Variants in PPFIA2 observed in about 807,000 individuals in gnomAD.
The protein encoded by PPFIA2 is PPFI scaffold protein A2, also known as liprin-alpha-2.
Under a neutral mutation model 175.5 loss-of-function variants are expected in PPFIA2, and 46 were observed. The ratio of observed to expected loss-of-function variants is 0.26; its 90% CI spans 0.21 to 0.34. PPFIA2 has a LOEUF of 0.34. Ranked by LOEUF, PPFIA2 falls within the 10% of genes least tolerant of loss-of-function variation. PPFIA2 has a pLI of 1.00. For synonymous variants in PPFIA2, 568 were observed against 511.4 expected, an observed-to-expected ratio of 1.11 and a Z score of -1.49; for missense variants, 1,179 against 1,506.1, an observed-to-expected ratio of 0.78 and a Z score of 3.60.
At chr12:81,668,239 G>T (rs1462006184) in intron 4 of PPFIA2, among the ~76,000 whole-genome samples, 1 of 151,974 alleles carries the variant, frequency 6.6e-6, no homozygotes, top group Non-Finnish European at 1.5e-5. Flanking sequence ...TCATATAAAG[G>T]GTTCTATTAT....
intron 4 of PPFIA2, among the ~76,000 whole-genome samples, chr12:81,670,122 A>G (rs888108521): frequency 2.0e-5 from 3 of 151,914 alleles, no homozygotes; most frequent in African/African-American, 7.2e-5. Context: ...TGATAGAGGG[A>G]ATCAGAAGTT....
chr12:81,324,898 T>C (rs1280172965), intron 22 of PPFIA2, among the ~76,000 whole-genome samples: 1 of 152,008 alleles, frequency 6.6e-6, no homozygotes, highest in Non-Finnish European at 1.5e-5. Flanking sequence ...TATACTTCCC[T>C]ATTATTAGTA....
chr12:81,630,519 A>G (rs2063249295), intron 4 of PPFIA2, among the ~76,000 whole-genome samples: 1 of 152,202 alleles, frequency 6.6e-6, no homozygotes, highest in Non-Finnish European at 1.5e-5. Flanking sequence ...AAGCCCCTCA[A>G]AAGGACAAAT....
Position 81,352,134 on chromosome 12 carries a change from C to T in PPFIA2, c.1994+985G>A, listed in dbSNP as rs2060121760. 2.6e-5 allele frequency among the ~76,000 whole-genome samples: 4 copies of T among 151,858 alleles called. No individual in the cohort carries two copies. In the South Asian group the frequency reaches 8.3e-4, roughly 32 times the overall value. Reference sequence around the variant, plus strand: ...AATTCATAGGCCGAAGCTGTAAAGGCCAAAGTGACTGTATTTGAAAATAGG... The same window carrying T: ...AATTCATAGGCCGAAGCTGTAAAGGTCAAAGTGACTGTATTTGAAAATAGG... On this transcript the variant is annotated intron_variant, in intron 17 of 32. Coordinates refer to ENST00000549396, the MANE Select transcript of PPFIA2 (RefSeq NM_003625.5).
chr12:81,296,470 A>C (rs1253161120), intron 23 of PPFIA2, among the ~76,000 whole-genome samples: 1 of 152,234 alleles, frequency 6.6e-6, no homozygotes, highest in Non-Finnish European at 1.5e-5. Context: ...ATATTTCAGC[A>C]CCTGAATAAC....
At chr12:81,285,795 G>A (rs2043185805) in intron 24 of PPFIA2, among the ~76,000 whole-genome samples, 1 of 152,110 alleles carries the variant, frequency 6.6e-6, no homozygotes, top group African/African-American at 2.4e-5. Flanking sequence ...ATTGGTTTAT[G>A]TATTTACCAC....
intron 4 of PPFIA2, among the ~76,000 whole-genome samples, chr12:81,603,855 C>CA (rs1038937247): frequency 6.9e-6 from 1 of 144,394 alleles, no homozygotes; most frequent in Non-Finnish European, 1.5e-5. Flanking sequence ...AAGCCCTGTC[C>CA]ATTACACCTG....
chr12:81,460,960 T>G (rs755741961), intron 4 of PPFIA2, among the ~76,000 whole-genome samples: 24 of 152,068 alleles, frequency 1.6e-4, no homozygotes, highest in Non-Finnish European at 2.9e-5. Flanking sequence ...ATAAGTTGTT[T>G]GTTTCCCCTG....
chr12:81,348,279 C>T (rs569074202), intron 17 of PPFIA2, among the ~76,000 whole-genome samples: 1 of 152,184 alleles, frequency 6.6e-6, no homozygotes, highest in Admixed American at 6.5e-5. Flanking sequence ...ATGATAGTAT[C>T]CTCAGTAAAT....
In PPFIA2 at chr12:81,359,798, T is replaced by C. The variant is rs142072181; in HGVS notation, c.1638-1581A>G. Among the ~76,000 whole-genome samples, 6 of 151,910 alleles carry C rather than the reference T, an allele frequency of 3.9e-5. No individual in the cohort carries two copies. The East Asian group carries it at 1.2e-3, about 29-fold the overall frequency. On this transcript the variant is annotated intron_variant, in intron 15 of 32. Transcript: ENST00000549396. ...TGTTGATTTATTTCACAGCTCCAGA[T>C]AATTTATTTTAAAAAAAAGCAAAAC...
chr12:81,305,274 T>C (rs544843170), intron 22 of PPFIA2, among the ~76,000 whole-genome samples: 2 of 152,268 alleles, frequency 1.3e-5, no homozygotes, highest in South Asian at 4.1e-4. Flanking sequence ...AGATAACTAA[T>C]TTCCGTTCTC....
intron 4 of PPFIA2, among the ~76,000 whole-genome samples, chr12:81,608,688 TC>T (rs2060582946): frequency 6.6e-6 from 1 of 152,086 alleles, no homozygotes; most frequent in Non-Finnish European, 1.5e-5. Flanking sequence ...CTATTTTTTT[TC>T]TTTGCTAATA....
intron 4 of PPFIA2, among the ~76,000 whole-genome samples, chr12:81,550,556 T>C (rs1424534136): frequency 6.6e-6 from 1 of 151,936 alleles, no homozygotes; most frequent in African/African-American, 2.4e-5. Context: ...ACAGATTTCC[T>C]GTTGGGAGTT....
At chr12:81,643,061 T>C (rs1177063433) in intron 4 of PPFIA2, among the ~76,000 whole-genome samples, 2 of 148,380 alleles carry the variant, frequency 1.3e-5, no homozygotes, top group African/African-American at 2.5e-5. Flanking sequence ...TATACACGTA[T>C]ATATTTTACA....
intron 8 of PPFIA2, among the ~76,000 whole-genome samples, chr12:81,385,153 T>C (rs2038646880): frequency 6.6e-6 from 1 of 152,102 alleles, no homozygotes; most frequent in Non-Finnish European, 1.5e-5. Flanking sequence ...AAAACCACGA[T>C]GAGATATCAC....
rs75348410 is a variant in PPFIA2 at position 81,407,879 on chromosome 12, C to A, written c.646-1976G>T. On this transcript the variant is annotated intron_variant, in intron 7 of 32. Coordinates refer to ENST00000549396, the MANE Select transcript of PPFIA2 (RefSeq NM_003625.5). ...CTCAATAAAGTTTATTATTCCATTT[C>A]TCCACTTCCTCATTTGCTTATTTAT... Among the ~76,000 whole-genome samples the A allele has an allele frequency of 1.5e-3, 227 of 152,308 alleles. 3 individuals carry two copies. The East Asian group carries it at 0.028, about 19-fold the overall frequency.
chr12:81,600,661 C>A (rs2059695862), intron 4 of PPFIA2, among the ~76,000 whole-genome samples: 1 of 151,736 alleles, frequency 6.6e-6, no homozygotes, highest in Non-Finnish European at 1.5e-5. Flanking sequence ...AATAGATTTA[C>A]TAGCTGTGGA....
intron 13 of PPFIA2, 46 bp downstream of exon 13, chr12:81,368,679 G>A (rs2034247885): frequency 3.8e-6 from 6 of 1,561,958 alleles, no homozygotes; most frequent in Non-Finnish European, 2.6e-6. Context: ...AAACAAACAT[G>A]AGCATTGCAA....
intron 7 of PPFIA2, among the ~76,000 whole-genome samples, chr12:81,427,439 T>A (rs187335954): frequency 6.6e-6 from 1 of 152,060 alleles, no homozygotes; most frequent in Non-Finnish European, 1.5e-5. Context: ...GTCCTTACTG[T>A]AGTACCAAGC....
Sources: gnomAD v4.1 joint callset for allele counts (sites outside exome capture counted in the v4.1 genomes callset) on GRCh38, gnomAD v4.1.1 for gene constraint, MANE v1.5 for transcripts, NCBI Gene and HGNC (gene_info 2026-07-23, HGNC 2026-07-21) for gene names.